The following RPS6KC1 variants were observed in gnomAD, a reference collection of about 807,000 sequenced individuals.
RPS6KC1 encodes the protein ribosomal protein S6 kinase C1.
RPS6KC1 carries 54 observed loss-of-function variants against 103.8 expected under a neutral mutation model. That is an observed-to-expected ratio of 0.52 (90% CI 0.42 to 0.65). The LOEUF is 0.65. Ranked by LOEUF, RPS6KC1 falls within the 30% of genes least tolerant of loss-of-function variation. RPS6KC1 has a pLI of 0.00. For synonymous variants in RPS6KC1, 439 were observed against 438.7 expected (o/e 1.00, Z -0.01); for missense variants, 1,151 against 1,253.8 (o/e 0.92, Z 1.24).
chr1:213,316,664 T>A, the RPS6KC1 span, among the ~76,000 whole-genome samples: 1 of 151,850 alleles, frequency 6.6e-6, no homozygotes, highest in East Asian at 1.9e-4. Flanking sequence ...TGAGGATGAC[T>A]ACAGAGAAAA....
the RPS6KC1 span, among the ~76,000 whole-genome samples, chr1:213,799,077 T>C: frequency 1.3e-5 from 2 of 152,234 alleles, no homozygotes; most frequent in African/African-American, 2.4e-5. Context: ...TTAAGGTTAC[T>C]CTAAGTGTTC....
the RPS6KC1 span, among the ~76,000 whole-genome samples, chr1:213,395,084 G>C: frequency 6.6e-6 from 1 of 152,194 alleles, no homozygotes; most frequent in African/African-American, 2.4e-5. Context: ...TGCCCTGGCT[G>C]CCATTGGCCA....
the RPS6KC1 span, among the ~76,000 whole-genome samples, chr1:213,807,533 T>C: frequency 2.6e-5 from 4 of 152,238 alleles, no homozygotes; most frequent in African/African-American, 9.6e-5. Flanking sequence ...ATTCATTTCA[T>C]CTTCCATCAC....
At chr1:213,264,831 C>T (rs73093646) in intron 14 of RPS6KC1, among the ~76,000 whole-genome samples, 6,756 of 152,162 alleles carry the variant, frequency 0.044, 239 homozygotes, top group African/African-American at 0.096. Context: ...AAATTTTCTC[C>T]TCTTTGGTCT....
intron 6 of RPS6KC1, among the ~76,000 whole-genome samples, chr1:213,148,741 A>G (rs1481551847): frequency 6.6e-6 from 1 of 152,134 alleles, no homozygotes; most frequent in Non-Finnish European, 1.5e-5. Flanking sequence ...GAATAGTTTG[A>G]GTAGGATTGG....
the RPS6KC1 span, among the ~76,000 whole-genome samples, chr1:213,850,512 G>GCAAAA: frequency 1.3e-5 from 2 of 152,188 alleles, no homozygotes; most frequent in Non-Finnish European, 2.9e-5. Flanking sequence ...TTTGGGTCAG[G>GCAAAA]CAGGCCATCT....
At chr1:213,146,662 T>G (rs2087875998) in intron 6 of RPS6KC1, among the ~76,000 whole-genome samples, 1 of 151,884 alleles carries the variant, frequency 6.6e-6, no homozygotes, top group Non-Finnish European at 1.5e-5. Context: ...CCTGACCTTG[T>G]GATCTGCCCA....
At chr1:213,120,169 T>C (rs1363637097) in intron 5 of RPS6KC1, among the ~76,000 whole-genome samples, 1 of 152,190 alleles carries the variant, frequency 6.6e-6, no homozygotes, top group Non-Finnish European at 1.5e-5. Flanking sequence ...ATATTGACAT[T>C]TTATCCTGTC....
the RPS6KC1 span, among the ~76,000 whole-genome samples, chr1:213,565,161 T>C: frequency 2.0e-5 from 3 of 152,234 alleles, no homozygotes; most frequent in Non-Finnish European, 4.4e-5. Flanking sequence ...ACAACAGAAA[T>C]TCATATATTA....
chr1:213,549,612 C>CTTTT, the RPS6KC1 span, among the ~76,000 whole-genome samples: 139 of 86,900 alleles, frequency 1.6e-3, no homozygotes, highest in African/African-American at 3.0e-3. Flanking sequence ...TTTTCTTTTC[C>CTTTT]TTTTTTTTTT....
intron 12 of RPS6KC1, among the ~76,000 whole-genome samples, chr1:213,246,155 G>A (rs932051926): frequency 6.6e-6 from 1 of 152,024 alleles, no homozygotes; most frequent in African/African-American, 2.4e-5. Context: ...ACCCAGCCCT[G>A]TTTTCAAAGT....
At chr1:213,309,469 A>G in the RPS6KC1 span, among the ~76,000 whole-genome samples, 2 of 152,228 alleles carry the variant, frequency 1.3e-5, no homozygotes, top group Non-Finnish European at 2.9e-5. Flanking sequence ...CTTTGGCAAA[A>G]ATAAAGTGAA....
intron 1 of RPS6KC1, among the ~76,000 whole-genome samples, chr1:213,066,079 A>G (rs2148409584): frequency 6.6e-6 from 1 of 152,358 alleles, no homozygotes; most frequent in Non-Finnish European, 1.5e-5. Context: ...TCATTAATAT[A>G]AAATTCTTCG....
chr1:213,121,575 T>A (rs571980018), intron 5 of RPS6KC1, among the ~76,000 whole-genome samples: 104 of 152,314 alleles, frequency 6.8e-4, no homozygotes, highest in African/African-American at 2.3e-3. Flanking sequence ...ACTAGGACAT[T>A]TGTAGAAACC....
the RPS6KC1 span, among the ~76,000 whole-genome samples, chr1:213,446,952 G>A: frequency 8.0e-4 from 122 of 152,290 alleles, no homozygotes; most frequent in African/African-American, 2.7e-3. Context: ...GGCAAGCAGT[G>A]ATTTATACAT....
chr1:213,197,440 C>A (rs929161289), intron 8 of RPS6KC1, among the ~76,000 whole-genome samples: 1 of 152,030 alleles, frequency 6.6e-6, no homozygotes, highest in African/African-American at 2.4e-5. Context: ...TCCATTTTTT[C>A]GTGTCATCTG....
At chr1:213,084,306 G>A (rs2080182586) in intron 3 of RPS6KC1, among the ~76,000 whole-genome samples, 1 of 151,908 alleles carries the variant, frequency 6.6e-6, no homozygotes, top group Admixed American at 6.6e-5. Flanking sequence ...GTCTCACTTT[G>A]TTGTCCAGGC....
chr1:213,626,115 C>T, the RPS6KC1 span, among the ~76,000 whole-genome samples: 7 of 152,268 alleles, frequency 4.6e-5, 1 homozygote, highest in South Asian at 2.1e-4. Flanking sequence ...TTTTAATGAT[C>T]GCCATTCTAA....
chr1:213,626,464 T>C, the RPS6KC1 span, among the ~76,000 whole-genome samples: 3 of 152,066 alleles, frequency 2.0e-5, no homozygotes, highest in Non-Finnish European at 2.9e-5. Flanking sequence ...GCTTTTGTTG[T>C]CATTGCTTTT....
Sources: gnomAD v4.1 joint callset for allele counts (sites outside exome capture counted in the v4.1 genomes callset) on GRCh38, gnomAD v4.1.1 for gene constraint, MANE v1.5 for transcripts, NCBI Gene and HGNC (gene_info 2026-07-23, HGNC 2026-07-21) for gene names.